Variants in NFAM1 observed in about 807,000 individuals in gnomAD.
The protein encoded by NFAM1 is NFAT activating protein with ITAM motif 1.
In NFAM1, 17 loss-of-function variants were observed where a neutral mutation model predicts 29.0. The ratio of observed to expected loss-of-function variants is 0.59; its 90% CI spans 0.40 to 0.88. NFAM1 has a LOEUF of 0.88. Among genes scored for constraint, NFAM1 ranks in the 40% least tolerant of loss-of-function variants. The pLI, the probability that NFAM1 is intolerant of heterozygous loss-of-function variation, is 0.00. For missense variants in NFAM1, 324 were observed against 344.6 expected, an observed-to-expected ratio of 0.94 and a Z score of 0.47; for synonymous variants, 175 against 147.2, an observed-to-expected ratio of 1.19 and a Z score of -1.36.
chr22:42,387,292 C>G (rs1929183802), intron 4 of NFAM1, among the ~76,000 whole-genome samples: 2 of 152,270 alleles, frequency 1.3e-5, no homozygotes, highest in Non-Finnish European at 2.9e-5. Context: ...TCTCGGCCAC[C>G]TCCCTAACCT....
chr22:42,430,066 C>A (rs1454772739), intron 1 of NFAM1, among the ~76,000 whole-genome samples: 1 of 151,618 alleles, frequency 6.6e-6, no homozygotes, highest in Non-Finnish European at 1.5e-5. Context: ...AGTTCGAGAC[C>A]AGCCTGGGCA....
At chr22:42,426,169 C>T (rs999986735) in intron 1 of NFAM1, among the ~76,000 whole-genome samples, 2 of 152,130 alleles carry the variant, frequency 1.3e-5, no homozygotes, top group African/African-American at 4.8e-5. Context: ...GGAGCAGGCA[C>T]CCAGGAAGAA....
rs767519943 is a variant in NFAM1 at position 42,399,863 on chromosome 22, G to A, written c.565-1907C>T. The stretch of plus-strand genomic sequence containing the variant: ...TGCCAAACCCCAGCCCATTTACTGC[G>A]GGATTAGCTGCTGAGAGCTACTTAA... On this transcript the variant is annotated intron_variant, in intron 3 of 5. Transcript: ENST00000329021. Among the ~76,000 whole-genome samples, 11 of 152,232 alleles carry A rather than the reference G, an allele frequency of 7.2e-5. No homozygotes were observed. In the East Asian group the frequency reaches 7.7e-4, roughly 11 times the overall value.
intron 4 of NFAM1, among the ~76,000 whole-genome samples, chr22:42,396,535 G>A (rs1455580141): frequency 6.6e-6 from 1 of 152,008 alleles, no homozygotes; most frequent in Non-Finnish European, 1.5e-5. Flanking sequence ...GAGAGGGAAA[G>A]TGAGAGTGAG....
chr22:42,403,492 A>G (rs1427001740), intron 3 of NFAM1, among the ~76,000 whole-genome samples: 1 of 151,930 alleles, frequency 6.6e-6, no homozygotes, highest in Non-Finnish European at 1.5e-5. Flanking sequence ...GCTAATTTGT[A>G]TTTTTAGTAC....
rs369384388 is a variant in NFAM1, at chr22:42,432,377, C to T, written c.-20G>A. ...CTCCATCTGGGGGCCTGCTTGTCTG[C>T]GGCGACTCTTTAGTTCACAGGAGGG... On this transcript the variant is annotated 5_prime_UTR_variant, in exon 1 of 6. Coordinates refer to ENST00000329021, the MANE Select transcript of NFAM1 (RefSeq NM_145912.8). 9.7e-6 allele frequency: 15 copies of T among 1,550,142 alleles called. No individual in the cohort carries two copies. Among genetic ancestry groups the T allele is most frequent in the Admixed American group, 2.1e-5 (1 of 48,724 alleles).
chr22:42,423,105 T>A (rs1601760354), intron 1 of NFAM1, among the ~76,000 whole-genome samples: 1 of 20,380 alleles, frequency 4.9e-5, no homozygotes, highest in South Asian at 1.8e-3. Flanking sequence ...AGAGCAAGAC[T>A]CCATCTCAAA....
intron 4 of NFAM1, among the ~76,000 whole-genome samples, chr22:42,387,783 T>C (rs1929201953): frequency 6.6e-6 from 1 of 151,846 alleles, no homozygotes; most frequent in Non-Finnish European, 1.5e-5. Context: ...CATATGCGCC[T>C]CCCTGGAGGT....
intron 1 of NFAM1, among the ~76,000 whole-genome samples, chr22:42,422,897 G>A (rs948826828): frequency 1.3e-5 from 2 of 151,924 alleles, no homozygotes; most frequent in Non-Finnish European, 2.9e-5. Context: ...GGTGGATCAC[G>A]AGGTCAAGAG....
At chr22:42,428,178 TCTCCCGGCC>T (rs1374494697) in intron 1 of NFAM1, among the ~76,000 whole-genome samples, 1 of 152,132 alleles carries the variant, frequency 6.6e-6, no homozygotes, top group Non-Finnish European at 1.5e-5. Flanking sequence ...AAGCTGAGCC[TCTCCCGGCC>T]CTCCTGGCCC....
chr22:42,398,385 A>ATTT (rs1264430709), intron 3 of NFAM1, among the ~76,000 whole-genome samples: 3 of 60,520 alleles, frequency 5.0e-5, no homozygotes, highest in African/African-American at 1.5e-4. Context: ...GGTTTTATTT[A>ATTT]TTATTATTAT....
At chr22:42,415,693 G>GGC (rs1205887748) in intron 1 of NFAM1, among the ~76,000 whole-genome samples, 2 of 152,218 alleles carry the variant, frequency 1.3e-5, no homozygotes, top group African/African-American at 4.8e-5. Context: ...GCCTCCCAGA[G>GGC]GCCCCTTCAG....
intron 1 of NFAM1, among the ~76,000 whole-genome samples, chr22:42,413,033 G>A (rs953806712): frequency 6.6e-6 from 1 of 152,150 alleles, no homozygotes; most frequent in Non-Finnish European, 1.5e-5. Context: ...TGGGCTGGGG[G>A]CAGCAGCCGC....
chr22:42,412,837 C>T (rs888649085), intron 1 of NFAM1, among the ~76,000 whole-genome samples: 3 of 152,190 alleles, frequency 2.0e-5, no homozygotes, highest in Non-Finnish European at 2.9e-5. Context: ...CAGAGGTGCT[C>T]CACGTGGGGC....
In NFAM1 at chr22:42,419,980, C is replaced by A. The variant is rs565199100; in HGVS notation, c.122-8244G>T. 4.8e-4 allele frequency among the ~76,000 whole-genome samples: 65 copies of A among 135,236 alleles called. 1 individual carries two copies. Among genetic ancestry groups the A allele is most frequent in the South Asian group, 2.2e-3 (9 of 4,166 alleles). The allele number at this position is 135,236 out of a possible 152,430, so 88.7% of individuals were successfully genotyped here. A position where few individuals can be genotyped will look rare whatever the true frequency, so the allele number is the denominator to read the frequency against. On this transcript the variant is annotated intron_variant, in intron 1 of 5. Transcript: ENST00000329021. This position sits in a 1 kb window ranked among gnomAD's most constrained non-coding sequence, Gnocchi z 4.5. ...AGCTGGGTCCCTTTGAGTCTGTAAT[C>A]CCACTCTTGGTTTTTTTTTTTTTTT...
At chr22:42,397,819 C>T (rs1287472373) in intron 4 of NFAM1, 39 bp downstream of exon 4, 1 of 1,154,878 alleles carries the variant, frequency 8.7e-7, no homozygotes, top group South Asian at 1.2e-5. Context: ...TGCCTAAGGC[C>T]TGAAAGAGGT....
chr22:42,421,609 T>C (rs927384960), intron 1 of NFAM1, among the ~76,000 whole-genome samples: 1 of 152,104 alleles, frequency 6.6e-6, no homozygotes, highest in Non-Finnish European at 1.5e-5. Context: ...AGGGCTTTGG[T>C]CCCGGCTCCC....
At chr22:42,395,200 G>A (rs1346255916) in intron 4 of NFAM1, among the ~76,000 whole-genome samples, 2 of 151,618 alleles carry the variant, frequency 1.3e-5, no homozygotes, top group African/African-American at 2.4e-5. Context: ...CAGGCCAAGC[G>A]TGGTGGCTCA....
intron 1 of NFAM1, among the ~76,000 whole-genome samples, chr22:42,429,293 C>T (rs1930720776): frequency 6.6e-6 from 1 of 152,178 alleles, no homozygotes; most frequent in African/African-American, 2.4e-5. Context: ...AGTAATCTGC[C>T]CAGGGTGCCT....
Sources: allele counts gnomAD v4.1 joint callset (sites outside exome capture counted in the v4.1 genomes callset), GRCh38; gene constraint gnomAD v4.1.1; non-coding constraint Gnocchi (gnomAD v3.1); transcripts MANE v1.5; gene names NCBI Gene and HGNC (gene_info 2026-07-23, HGNC 2026-07-21).